The following CPS1 variants were observed in gnomAD, a reference collection of about 807,000 sequenced individuals.
CPS1 encodes the protein carbamoyl-phosphate synthase [ammonia], mitochondrial.
Under a neutral mutation model 174.6 loss-of-function variants are expected in CPS1, and 109 were observed. The ratio of observed to expected loss-of-function variants is 0.62; its 90% confidence interval spans 0.53 to 0.73. CPS1 has a LOEUF of 0.73. Ranked by LOEUF, CPS1 falls within the 30% of genes least tolerant of loss-of-function variation. The probability of loss-of-function intolerance (pLI) is 0.00; values close to 1 mark genes in which losing one functional copy is unlikely to be tolerated. For synonymous variants in CPS1, 637 were observed against 632.0 expected, an observed-to-expected ratio of 1.01 and a Z score of -0.12; for missense variants, 1,689 against 1,821.9, an observed-to-expected ratio of 0.93 and a Z score of 1.33.
At chr2:210,586,125 C>A (rs1254485279) in intron 6 of CPS1, among the ~76,000 whole-genome samples, 1 of 151,776 alleles carries the variant, frequency 6.6e-6, no homozygotes, top group Non-Finnish European at 1.5e-5. Flanking sequence ...ATCTGGTATT[C>A]CGGCTCCTGT....
chr2:210,668,844 T>C (rs1255357896), intron 34 of CPS1, among the ~76,000 whole-genome samples: 1 of 152,224 alleles, frequency 6.6e-6, no homozygotes, highest in Non-Finnish European at 1.5e-5. Context: ...TTTCTCAAAC[T>C]GAAGTCATAT....
intron 21 of CPS1, among the ~76,000 whole-genome samples, chr2:210,621,228 A>G (rs903087651): frequency 6.6e-6 from 1 of 152,038 alleles, no homozygotes; most frequent in Admixed American, 6.6e-5. Context: ...TTTACAGTGG[A>G]TTTCTTTAGG....
intron 1 of CPS1, among the ~76,000 whole-genome samples, chr2:210,510,289 A>G (rs1695426380): frequency 6.6e-6 from 1 of 152,196 alleles, no homozygotes; most frequent in Non-Finnish European, 1.5e-5. Flanking sequence ...AGGATTCCCT[A>G]TTTAATAAAT....
rs754934634 is a variant in CPS1, at chr2:210,612,411, T to G, written c.2568+118T>G. The G allele has an allele frequency of 4.6e-4, 445 of 976,784 alleles. 1 individual carries two copies. The highest frequency in any genetic ancestry group is 2.3e-4 in the Non-Finnish European group (144 of 626,152). 60.5% of individuals were successfully genotyped at this position (976,784 alleles called of 1,614,324 possible). A position where few individuals can be genotyped will look rare whatever the true frequency, so the allele number is the denominator to read the frequency against. The stretch of plus-strand genomic sequence containing the variant: ...TTAAATCAGGGATTTTTGGAAAATT[T>G]TTAATTCTTTTATAGTATTAAACTG... On this transcript the variant is annotated intron_variant, in intron 20 of 37. Coordinates refer to ENST00000233072, the MANE Select transcript of CPS1 (RefSeq NM_001875.5).
At chr2:210,505,602 C>G (rs549949214) in intron 1 of CPS1, among the ~76,000 whole-genome samples, 1 of 152,110 alleles carries the variant, frequency 6.6e-6, no homozygotes, top group African/African-American at 2.4e-5. Flanking sequence ...TCGCCTCACC[C>G]GGGAAGCACA....
intron 32 of CPS1, 77 bp from the exon 33 acceptor site, chr2:210,663,046 A>T: frequency 7.3e-7 from 1 of 1,370,952 alleles, no homozygotes. Flanking sequence ...TGATTTGCTA[A>T]TATATTTATC....
chr2:210,477,702 T>G lies in CPS1; in HGVS notation c.-62T>G, dbSNP rs1303280218. 3 of 1,606,338 alleles carry G rather than the reference T, an allele frequency of 1.9e-6. No individual in the cohort carries two copies. The Admixed American group carries it at 5.1e-5, about 27-fold the overall frequency. On this transcript the variant is annotated 5_prime_UTR_variant, in exon 1 of 39. Transcript: ENST00000430249. ...GGTTTGCTCTTTTAAAATAGTTGCT[T>G]TCTTAGGAAATGTAGTTGCTTTCTT...
At chr2:210,531,246 A>G (rs1040081948) in intron 1 of CPS1, among the ~76,000 whole-genome samples, 1 of 152,074 alleles carries the variant, frequency 6.6e-6, no homozygotes, top group African/African-American at 2.4e-5. Context: ...AGACGGGGGA[A>G]AAAAGTACGA....
chr2:210,586,551 C>G (rs1344221649), intron 6 of CPS1, among the ~76,000 whole-genome samples: 2 of 151,992 alleles, frequency 1.3e-5, no homozygotes, highest in Non-Finnish European at 2.9e-5. Context: ...TGTGGTCAAG[C>G]AAGGTTGCAA....
chr2:210,650,491 A>G, intron 28 of CPS1, 53 bp downstream of exon 28: 1 of 1,220,658 alleles, frequency 8.2e-7, no homozygotes, highest in Non-Finnish European at 1.2e-6. Flanking sequence ...ACATGTAGTG[A>G]CATTTATCTC....
chr2:210,533,047 C>T (rs1241593128), intron 1 of CPS1, among the ~76,000 whole-genome samples: 2 of 151,978 alleles, frequency 1.3e-5, no homozygotes, highest in Non-Finnish European at 2.9e-5. Context: ...GGAAGAGCAA[C>T]GGTGAGCGGG....
chr2:210,678,122 CTG>C lies in CPS1; in HGVS notation c.*141_*142del, dbSNP rs1478447270. ...GTTTACTTTGTTATGCCTTAATATT[CTG>C]TGTCTTTTGCAATTAAATTGTCAGT... On this transcript the variant is annotated 3_prime_UTR_variant, in exon 38 of 38. Transcript: ENST00000233072. 19 of 776,588 alleles carry C rather than the reference CTG, an allele frequency of 2.4e-5. No homozygotes were observed. Among genetic ancestry groups the C allele is most frequent in the African/African-American group, 5.1e-5 (3 of 58,714 alleles). 48.1% of individuals were successfully genotyped at this position (776,588 alleles called of 1,614,324 possible). A position where few individuals can be genotyped will look rare whatever the true frequency, so the allele number is the denominator to read the frequency against.
chr2:210,609,873 A>G (rs1269472081), intron 19 of CPS1, among the ~76,000 whole-genome samples: 2 of 152,006 alleles, frequency 1.3e-5, no homozygotes, highest in Non-Finnish European at 2.9e-5. Context: ...GGAAAAAGAA[A>G]AAGAAATGCT....
intron 1 of CPS1, among the ~76,000 whole-genome samples, chr2:210,565,247 A>G (rs1697262900): frequency 6.6e-6 from 1 of 152,084 alleles, no homozygotes; most frequent in Non-Finnish European, 1.5e-5. Context: ...CTAACAAAGG[A>G]AACATTTAGT....
At chr2:210,501,541 C>G (rs1423236505) in intron 1 of CPS1, among the ~76,000 whole-genome samples, 1 of 152,142 alleles carries the variant, frequency 6.6e-6, no homozygotes, top group African/African-American at 2.4e-5. Context: ...CCTAAATCAT[C>G]TCTCTCAAGT....
chr2:210,580,735 C>A (rs1697896556), intron 5 of CPS1, among the ~76,000 whole-genome samples: 1 of 151,666 alleles, frequency 6.6e-6, no homozygotes, highest in Non-Finnish European at 1.5e-5. Context: ...GTGGTGCACA[C>A]CTGTAATCCC....
intron 1 of CPS1, among the ~76,000 whole-genome samples, chr2:210,568,058 T>C (rs779479077): frequency 2.0e-5 from 3 of 152,134 alleles, no homozygotes; most frequent in Non-Finnish European, 4.4e-5. Context: ...GAATTAGGCA[T>C]TGTGTTTTCC....
intron 1 of CPS1, among the ~76,000 whole-genome samples, chr2:210,528,683 T>C (rs989880180): frequency 3.9e-5 from 6 of 151,990 alleles, no homozygotes; most frequent in Middle Eastern, 3.4e-3. Flanking sequence ...TACTACGTTG[T>C]TATTCATTTA....
At position 210,536,537 on chromosome 2, in the gene CPS1, A is replaced by G. The variant is rs1272499025; in HGVS notation, c.4-20182A>G. Among the ~76,000 whole-genome samples the G allele has an allele frequency of 3.9e-5, 6 of 152,218 alleles. No individual in the cohort carries two copies. In the East Asian group the frequency reaches 1.2e-3, roughly 30 times the overall value. ...ACGACAGGGTTTCACCGTGTTAGCC[A>G]GGATGGCTACGATCTCCTAACCTCG... On this transcript the variant is annotated intron_variant, in intron 1 of 38. Coordinates refer to the CPS1 transcript ENST00000430249.
Sources: gnomAD v4.1 joint callset for allele counts (sites outside exome capture counted in the v4.1 genomes callset) on GRCh38, gnomAD v4.1.1 for gene constraint, MANE v1.5 for transcripts, NCBI Gene and HGNC (gene_info 2026-07-23, HGNC 2026-07-21) for gene names.